The following PRKG1 variants were observed in gnomAD, a reference collection of about 807,000 sequenced individuals.
PRKG1 encodes cGMP-dependent protein kinase 1.
Under a neutral mutation model 88.1 loss-of-function variants are expected in PRKG1, and 35 were observed. The ratio of observed to expected loss-of-function variants is 0.40; its 90% confidence interval spans 0.30 to 0.53. PRKG1 has a LOEUF of 0.53. Among genes scored for constraint, PRKG1 ranks in the 20% least tolerant of loss-of-function variants. The pLI, the probability that PRKG1 is intolerant of heterozygous loss-of-function variation, is 0.59. For missense variants in PRKG1, 540 were observed against 839.8 expected (o/e 0.64, Z 4.41); for synonymous variants, 303 against 292.5 (o/e 1.04, Z -0.37).
chr10:52,162,691 A>G (rs1838308889), intron 9 of PRKG1, among the ~76,000 whole-genome samples: 1 of 152,298 alleles, frequency 6.6e-6, no homozygotes, highest in South Asian at 2.1e-4. Flanking sequence ...GTAGTAACCT[A>G]AAAATCAAAA....
chr10:51,194,271 G>T (rs1837705940), intron 2 of PRKG1, among the ~76,000 whole-genome samples: 1 of 150,952 alleles, frequency 6.6e-6, no homozygotes, highest in Non-Finnish European at 1.5e-5. Flanking sequence ...TAAGCTCTGG[G>T]GTACATGTGC....
chr10:51,814,845 T>C (rs147600570), intron 4 of PRKG1, among the ~76,000 whole-genome samples: 28 of 152,326 alleles, frequency 1.8e-4, no homozygotes, highest in African/African-American at 6.7e-4. Context: ...AAATTATTCA[T>C]CTGCACATTT....
chr10:51,465,784 A>G (rs1839890490), intron 2 of PRKG1, among the ~76,000 whole-genome samples: 1 of 152,324 alleles, frequency 6.6e-6, no homozygotes, highest in South Asian at 2.1e-4. Flanking sequence ...TAGTTTCTGT[A>G]GTAGATGATG....
chr10:51,152,134 AT>A (rs1411573342), intron 1 of PRKG1, among the ~76,000 whole-genome samples: 7 of 151,956 alleles, frequency 4.6e-5, no homozygotes, highest in Non-Finnish European at 7.4e-5. Flanking sequence ...TTCCACTTTG[AT>A]TTTGCATTCT....
intron 2 of PRKG1, among the ~76,000 whole-genome samples, chr10:51,173,900 T>C (rs1837120444): frequency 6.6e-6 from 1 of 151,840 alleles, no homozygotes; most frequent in Non-Finnish European, 1.5e-5. Flanking sequence ...ATGCTTAAAC[T>C]AATACAACCT....
intron 2 of PRKG1, among the ~76,000 whole-genome samples, chr10:51,374,802 A>T (rs1220447952): frequency 6.6e-6 from 1 of 152,222 alleles, no homozygotes; most frequent in East Asian, 1.9e-4. Flanking sequence ...AGCATGAGAC[A>T]GACTAAGGAG....
intron 3 of PRKG1, among the ~76,000 whole-genome samples, chr10:51,757,023 G>A (rs181709135): frequency 8.2e-4 from 124 of 152,038 alleles, no homozygotes; most frequent in African/African-American, 2.9e-3. Context: ...GAAAAATGAC[G>A]TGGCTGGACT....
chr10:51,114,437 C>CTGTGTGTG (rs58190244), intron 1 of PRKG1, among the ~76,000 whole-genome samples: 72,550 of 150,126 alleles, frequency 0.48, 18,702 homozygotes, highest in East Asian at 0.71. Flanking sequence ...ATGAGTGACT[C>CTGTGTGTG]TGTGTGTGTG....
chr10:51,808,438 A>G (rs1322463245), intron 4 of PRKG1, among the ~76,000 whole-genome samples: 1 of 152,046 alleles, frequency 6.6e-6, no homozygotes. Flanking sequence ...TCTGCAAAAA[A>G]TAGAAAAATA....
At position 51,277,392 on chromosome 10, in the gene PRKG1, G is replaced by A. The variant is rs551279113; in HGVS notation, c.478+124062G>A. Among the ~76,000 whole-genome samples, 5 of 152,296 alleles carry A rather than the reference G, an allele frequency of 3.3e-5. No individual in the cohort carries two copies. In the East Asian group the frequency reaches 9.6e-4, roughly 29 times the overall value. On this transcript the variant is annotated intron_variant, in intron 2 of 17. Coordinates refer to ENST00000373980, the MANE Select transcript of PRKG1 (RefSeq NM_006258.4). ...TTGTAGTATAGTTTGAAGTCAGGTA[G>A]CATGATCCCTCCGGCTTTGTTCTTT...
intron 3 of PRKG1, among the ~76,000 whole-genome samples, chr10:51,617,337 T>C (rs1481294341): frequency 6.6e-6 from 1 of 152,062 alleles, no homozygotes; most frequent in Non-Finnish European, 1.5e-5. Flanking sequence ...TTGGATGATC[T>C]ATTTGAAGTG....
intron 2 of PRKG1, among the ~76,000 whole-genome samples, chr10:51,288,277 T>C (rs1307357107): frequency 6.6e-6 from 1 of 152,132 alleles, no homozygotes; most frequent in Non-Finnish European, 1.5e-5. Context: ...TGCTACTTTT[T>C]TGTGGGGATT....
intron 3 of PRKG1, among the ~76,000 whole-genome samples, chr10:51,630,561 C>T (rs987277554): frequency 6.6e-6 from 1 of 152,158 alleles, no homozygotes; most frequent in Admixed American, 6.5e-5. Context: ...ACATAACATA[C>T]CCTCATGCAC....
chr10:51,693,435 T>C (rs1841198932), intron 3 of PRKG1, among the ~76,000 whole-genome samples: 1 of 60 alleles, frequency 0.017, no homozygotes, highest in Admixed American at 0.12. Flanking sequence ...CAGAGTCTCA[T>C]CTGTTGCCCA....
intron 3 of PRKG1, among the ~76,000 whole-genome samples, chr10:51,612,377 TTG>T (rs1195366056): frequency 1.3e-5 from 2 of 152,072 alleles, no homozygotes; most frequent in African/African-American, 4.8e-5. Flanking sequence ...CTAGGTTTTT[TTG>T]TGTGTGTCAC....
chr10:51,105,501 G>A (rs187203269), intron 1 of PRKG1, among the ~76,000 whole-genome samples: 37 of 152,238 alleles, frequency 2.4e-4, no homozygotes, highest in African/African-American at 8.9e-4. Context: ...GAGAAAAGAA[G>A]GTTGAGTCAA....
In PRKG1 at chr10:52,068,061, G is replaced by C. The variant is rs1435587213; in HGVS notation, c.935+5430G>C. 3.4e-4 allele frequency among the ~76,000 whole-genome samples: 47 copies of C among 139,500 alleles called. 5 individuals carry two copies. In the Admixed American group the frequency reaches 3.5e-3, roughly 10 times the overall value. 91.5% of individuals were successfully genotyped at this position (139,500 alleles called of 152,430 possible). ...CTACTAAAAATACAAAAATCAGCCG[G>C]GCATGGTGGCGCGTGCCTGTAGTCC... On this transcript the variant is annotated intron_variant, in intron 7 of 17. Coordinates refer to ENST00000373980, the MANE Select transcript of PRKG1 (RefSeq NM_006258.4).
At chr10:52,094,842 C>G (rs1847137921) in intron 7 of PRKG1, among the ~76,000 whole-genome samples, 1 of 152,274 alleles carries the variant, frequency 6.6e-6, no homozygotes, top group Non-Finnish European at 1.5e-5. Context: ...AAATACCTCC[C>G]AAGACCCCAT....
At chr10:51,762,931 AG>A (rs1212035915) in intron 3 of PRKG1, among the ~76,000 whole-genome samples, 1 of 152,224 alleles carries the variant, frequency 6.6e-6, no homozygotes, top group Non-Finnish European at 1.5e-5. Context: ...TGGAATAGAA[AG>A]AATGGGAGGA....
Sources: gnomAD v4.1 joint callset for allele counts (sites outside exome capture counted in the v4.1 genomes callset) on GRCh38, gnomAD v4.1.1 for gene constraint, MANE v1.5 for transcripts, NCBI Gene and HGNC (gene_info 2026-07-23, HGNC 2026-07-21) for gene names.